The following CCSER1 variants were observed in gnomAD, a reference collection of about 807,000 sequenced individuals.
The protein encoded by CCSER1 is coiled-coil serine rich protein 1.
CCSER1 carries 41 observed loss-of-function variants against 82.0 expected under a neutral mutation model. The ratio of observed to expected loss-of-function variants is 0.50; its 90% CI spans 0.39 to 0.65. CCSER1 has a LOEUF of 0.65. CCSER1 is among the 30% of genes least tolerant of loss of function. The pLI, the probability that CCSER1 is intolerant of heterozygous loss-of-function variation, is 0.00. For synonymous variants in CCSER1, 414 were observed against 383.9 expected, an observed-to-expected ratio of 1.08 and a Z score of -0.92; for missense variants, 1,119 against 1,064.2, an observed-to-expected ratio of 1.05 and a Z score of -0.72.
intron 5 of CCSER1, among the ~76,000 whole-genome samples, chr4:90,603,860 C>T (rs1219608133): frequency 6.6e-6 from 1 of 152,112 alleles, no homozygotes; most frequent in African/African-American, 2.4e-5. Context: ...ACTCAAGTCT[C>T]CTTCATGGAC....
At chr4:90,780,480 T>C (rs1180917563) in intron 7 of CCSER1, 2 of 1,612,146 alleles carry the variant, frequency 1.2e-6, no homozygotes, top group Admixed American at 1.7e-5. Context: ...CTGACTAACA[T>C]CAATTGAAGA....
Position 90,671,938 on chromosome 4 carries a change from A to G in CCSER1, c.1932+43706A>G, listed in dbSNP as rs1000537984. Among the ~76,000 whole-genome samples the G allele has an allele frequency of 7.9e-5, 12 of 151,978 alleles. No homozygotes were observed. In the South Asian group the frequency reaches 1.2e-3, roughly 16 times the overall value. ...CAGAGAGTCTTAGATAACTAGATGC[A>G]TTGTTCAACACGTAGTAATATTTTG... On this transcript the variant is annotated intron_variant, in intron 6 of 10. Coordinates refer to ENST00000509176, the MANE Select transcript of CCSER1 (RefSeq NM_001145065.2).
At chr4:91,378,669 C>T (rs1750626396) in intron 10 of CCSER1, among the ~76,000 whole-genome samples, 1 of 152,124 alleles carries the variant, frequency 6.6e-6, no homozygotes. Context: ...ATGGGGTTTT[C>T]TAAATATACA....
intron 4 of CCSER1, among the ~76,000 whole-genome samples, chr4:90,410,468 C>G (rs1294429297): frequency 1.3e-5 from 2 of 152,138 alleles, no homozygotes; most frequent in Non-Finnish European, 2.9e-5. Flanking sequence ...GAACTCAGCA[C>G]TAAGAAACTC....
intron 10 of CCSER1, among the ~76,000 whole-genome samples, chr4:91,563,572 C>A (rs1762755265): frequency 6.6e-6 from 1 of 151,846 alleles, no homozygotes; most frequent in South Asian, 2.1e-4. Context: ...CTATATGAGA[C>A]CATCCCACAG....
At chr4:91,498,874 T>C (rs979681525) in intron 10 of CCSER1, among the ~76,000 whole-genome samples, 1 of 151,982 alleles carries the variant, frequency 6.6e-6, no homozygotes, top group Non-Finnish European at 1.5e-5. Context: ...ATAACTACAA[T>C]ACAGTTATAC....
At chr4:90,941,320 C>A (rs905834264) in intron 9 of CCSER1, among the ~76,000 whole-genome samples, 1 of 151,994 alleles carries the variant, frequency 6.6e-6, no homozygotes, top group African/African-American at 2.4e-5. Flanking sequence ...AAGTTTATTA[C>A]ATATAGCTAT....
intron 5 of CCSER1, among the ~76,000 whole-genome samples, chr4:90,533,160 C>T (rs923662242): frequency 8.5e-5 from 12 of 141,512 alleles, no homozygotes; most frequent in Non-Finnish European, 1.1e-4. Context: ...AGCGCGATCT[C>T]GGCTCACTGC....
chr4:90,597,838 C>T (rs1267496474), intron 5 of CCSER1, among the ~76,000 whole-genome samples: 1 of 152,010 alleles, frequency 6.6e-6, no homozygotes, highest in Non-Finnish European at 1.5e-5. Flanking sequence ...TTTTAATTCT[C>T]TGTCTCTATA....
chr4:90,502,334 A>G (rs1012253787), intron 5 of CCSER1, among the ~76,000 whole-genome samples: 43 of 152,274 alleles, frequency 2.8e-4, no homozygotes, highest in African/African-American at 9.6e-4. Flanking sequence ...ACCCTTTTAA[A>G]CAATCAGATC....
chr4:90,983,428 G>T (rs2150427501), intron 9 of CCSER1, among the ~76,000 whole-genome samples: 1 of 151,686 alleles, frequency 6.6e-6, no homozygotes, highest in Admixed American at 6.6e-5. Flanking sequence ...GTAGAGAACT[G>T]GATATGTGAC....
At chr4:90,757,947 T>C (rs1350180730) in intron 7 of CCSER1, among the ~76,000 whole-genome samples, 1 of 151,340 alleles carries the variant, frequency 6.6e-6, no homozygotes, top group African/African-American at 2.4e-5. Context: ...TTTTTTTTTT[T>C]TTTCTTTTGA....
At chr4:90,833,035 C>T (rs1218713912) in intron 8 of CCSER1, among the ~76,000 whole-genome samples, 1 of 152,094 alleles carries the variant, frequency 6.6e-6, no homozygotes, top group Non-Finnish European at 1.5e-5. Flanking sequence ...ACCTAATGGG[C>T]TTATCCTAAT....
chr4:90,479,455 C>T (rs1214642950), intron 5 of CCSER1, among the ~76,000 whole-genome samples: 1 of 152,034 alleles, frequency 6.6e-6, no homozygotes, highest in Non-Finnish European at 1.5e-5. Context: ...TATACATGTG[C>T]CATGTTGGTG....
At chr4:90,265,159 G>A (rs1402807279) in intron 1 of CCSER1, among the ~76,000 whole-genome samples, 1 of 151,714 alleles carries the variant, frequency 6.6e-6, no homozygotes, top group South Asian at 2.1e-4. Flanking sequence ...TCTCTTCCTT[G>A]ACTATTTTTT....
intron 10 of CCSER1, among the ~76,000 whole-genome samples, chr4:91,300,644 A>G (rs773886490): frequency 2.6e-5 from 4 of 151,892 alleles, no homozygotes; most frequent in Non-Finnish European, 5.9e-5. Flanking sequence ...TATCACCAAG[A>G]AAGGTGATAT....
chr4:90,485,871 CATG>C (rs1406272662), intron 5 of CCSER1, among the ~76,000 whole-genome samples: 4 of 152,174 alleles, frequency 2.6e-5, no homozygotes, highest in South Asian at 4.2e-4. Context: ...CTGCAAAAGA[CATG>C]ATGTTTTTAT....
intron 10 of CCSER1, among the ~76,000 whole-genome samples, chr4:91,401,905 G>A (rs1463012098): frequency 6.6e-6 from 1 of 152,266 alleles, no homozygotes; most frequent in South Asian, 2.1e-4. Context: ...AATCCTTTGG[G>A]TATATACCCA....
intron 6 of CCSER1, among the ~76,000 whole-genome samples, chr4:90,644,810 G>A (rs765558040): frequency 2.0e-5 from 3 of 151,754 alleles, no homozygotes; most frequent in Non-Finnish European, 2.9e-5. Flanking sequence ...GGCCAGGTGC[G>A]GTGGCTCACA....
Sources: gnomAD v4.1 joint callset for allele counts (sites outside exome capture counted in the v4.1 genomes callset) on GRCh38, gnomAD v4.1.1 for gene constraint, MANE v1.5 for transcripts, NCBI Gene and HGNC (gene_info 2026-07-23, HGNC 2026-07-21) for gene names.